PPARG: variants seen among roughly 807,000 people sequenced by gnomAD.
PPARG encodes the protein peroxisome proliferator activated receptor gamma, also known as peroxisome proliferator-activated receptor gamma.
A neutral mutation model predicts 39.2 loss-of-function variants in PPARG; 17 were observed. The observed-to-expected ratio is 0.43, with a 90% CI of 0.30 to 0.65. PPARG has a LOEUF of 0.65. PPARG is among the 30% of genes least tolerant of loss of function. The pLI, the probability that PPARG is intolerant of heterozygous loss-of-function variation, is 0.13. For synonymous variants in PPARG, 223 were observed against 215.7 expected (o/e 1.03, Z -0.30); for missense variants, 406 against 585.9 (o/e 0.69, Z 3.17).
At chr3:12,345,825 T>C (rs985426079) in intron 2 of PPARG, among the ~76,000 whole-genome samples, 2 of 152,232 alleles carry the variant, frequency 1.3e-5, no homozygotes, top group African/African-American at 4.8e-5. Context: ...ATTCCCACTG[T>C]GCTTCACCAG....
intron 6 of PPARG, among the ~76,000 whole-genome samples, chr3:12,411,202 T>G (rs1432249836): frequency 6.6e-6 from 1 of 151,878 alleles, no homozygotes; most frequent in Non-Finnish European, 1.5e-5. Flanking sequence ...GCACTTGGAT[T>G]TTTTTTTTCC....
intron 1 of PPARG, among the ~76,000 whole-genome samples, chr3:12,291,100 CTAAA>C (rs1391094827): frequency 6.6e-6 from 1 of 152,124 alleles, no homozygotes; most frequent in African/African-American, 2.4e-5. Context: ...TAGGATTCCA[CTAAA>C]TAAATATTAG....
chr3:12,416,803 A>G lies in PPARG; in HGVS notation c.829A>G (p.Ile277Val). Reference protein sequence around the residue: ...PLQEQSKEVAIRIFQGCQFRS... With the variant: ...PLQEQSKEVAVRIFQGCQFRS... ...GCAGGAGCAGAGCAAAGAGGTGGCC[A>G]TCCGCATCTTTCAGGGCTGCCAGTT... Residue 277 changes from isoleucine to valine, a missense_variant, in exon 7 of 8, where the codon ATC becomes GTC. Ile to Val is a conservative substitution (Grantham distance 29). Transcript: ENST00000651735. The G allele has an allele frequency of 1.2e-6, 2 of 1,614,180 alleles. No homozygotes were observed. The highest frequency in any genetic ancestry group is 1.7e-6 in the Non-Finnish European group (2 of 1,179,996).
At chr3:12,388,408 G>A (rs1159606435) in intron 4 of PPARG, among the ~76,000 whole-genome samples, 1 of 152,196 alleles carries the variant, frequency 6.6e-6, no homozygotes, top group Non-Finnish European at 1.5e-5. Context: ...TGCCCAGAGA[G>A]GTACAGTGGT....
At chr3:12,309,040 T>C (rs1035708603) in intron 1 of PPARG, among the ~76,000 whole-genome samples, 1 of 152,258 alleles carries the variant, frequency 6.6e-6, no homozygotes, top group East Asian at 1.9e-4. Context: ...GAGTACATAC[T>C]ATGCTAATGT....
chr3:12,386,845 T>C (rs1318008657), intron 4 of PPARG, among the ~76,000 whole-genome samples: 1 of 152,150 alleles, frequency 6.6e-6, no homozygotes, highest in Non-Finnish European at 1.5e-5. Flanking sequence ...CATTAGGTAT[T>C]TCTCCTAATG....
At chr3:12,393,190 A>ATTTTTT (rs143287325) in intron 5 of PPARG, among the ~76,000 whole-genome samples, 4 of 111,512 alleles carry the variant, frequency 3.6e-5, no homozygotes, top group Non-Finnish European at 3.6e-5. Context: ...GATTCATTTA[A>ATTTTTT]TTTTTTTTTT....
At chr3:12,367,864 G>A (rs1370855940) in intron 2 of PPARG, among the ~76,000 whole-genome samples, 2 of 151,812 alleles carry the variant, frequency 1.3e-5, no homozygotes, top group South Asian at 2.1e-4. Context: ...GACAGAGTGA[G>A]ACCCTGCCTC....
chr3:12,408,655 C>T (rs1304223943), intron 6 of PPARG, among the ~76,000 whole-genome samples: 2 of 144,752 alleles, frequency 1.4e-5, no homozygotes, highest in African/African-American at 2.6e-5. Context: ...GCCTTGAACT[C>T]GGGGCTCAAG....
At chr3:12,290,871 G>A (rs574163011) in intron 1 of PPARG, among the ~76,000 whole-genome samples, 1 of 152,132 alleles carries the variant, frequency 6.6e-6, no homozygotes, top group African/African-American at 2.4e-5. Context: ...AGGCTTTCAT[G>A]AAGTAGGAAA....
chr3:12,317,049 T>C (rs969490178), intron 2 of PPARG, among the ~76,000 whole-genome samples: 41 of 152,296 alleles, frequency 2.7e-4, no homozygotes, highest in African/African-American at 9.4e-4. Flanking sequence ...CAAATCACAA[T>C]TCTGTAAATT....
upstream of PPARG, chr3:12,288,826 G>C (rs1192457451): frequency 6.6e-6 from 1 of 152,350 alleles, no homozygotes; most frequent in Admixed American, 6.5e-5. Flanking sequence ...GGCTGGAAAG[G>C]CGAAGTCGCT....
rs1223890874 is a variant in PPARG, at chr3:12,310,541, G to A, written c.-82-1839G>A. On this transcript the variant is annotated intron_variant, in intron 1 of 7. Transcript: ENST00000651735. Reference sequence around the variant, plus strand: ...TGCAGTGGCGGGATCTCGGCTCACTGCAAGCTCCGCCTCCTGGGTTCACGC... The same window carrying A: ...TGCAGTGGCGGGATCTCGGCTCACTACAAGCTCCGCCTCCTGGGTTCACGC... Among the ~76,000 whole-genome samples the A allele has an allele frequency of 2.7e-5, 2 of 74,424 alleles. 1 individual carries two copies. Among genetic ancestry groups the A allele is most frequent in the Non-Finnish European group, 5.5e-5 (2 of 36,158 alleles). 48.8% of individuals were successfully genotyped at this position (74,424 alleles called of 152,430 possible).
intron 2 of PPARG, among the ~76,000 whole-genome samples, chr3:12,335,865 T>A (rs1344869004): frequency 6.6e-6 from 1 of 151,896 alleles, no homozygotes; most frequent in African/African-American, 2.4e-5. Context: ...ATGGCAGCAC[T>A]GACCTAGTTT....
At chr3:12,288,263 C>T (rs1330878667), upstream of PPARG, among the ~76,000 whole-genome samples, 2 of 151,716 alleles carry the variant, frequency 1.3e-5, no homozygotes, top group Admixed American at 6.6e-5. Flanking sequence ...GGGCGGCTCA[C>T]GGGTGACCGG....
intron 2 of PPARG, among the ~76,000 whole-genome samples, chr3:12,342,041 C>T (rs1231110017): frequency 6.6e-6 from 1 of 152,084 alleles, no homozygotes; most frequent in East Asian, 1.9e-4. Flanking sequence ...GACATATCAC[C>T]ATTCTAACTT....
At chr3:12,379,648 G>GAC (rs1413279585) in intron 2 of PPARG, 56 bp from the exon 3 acceptor site, 2 of 1,464,838 alleles carry the variant, frequency 1.4e-6, no homozygotes, top group African/African-American at 2.8e-5. Context: ...GAAACTCTGT[G>GAC]AGATTGCTGT....
chr3:12,345,806 C>T (rs2048309501), intron 2 of PPARG, among the ~76,000 whole-genome samples: 1 of 152,260 alleles, frequency 6.6e-6, no homozygotes, highest in African/African-American at 2.4e-5. Flanking sequence ...TGCTGTAGAA[C>T]CTTTGTGAAT....
At chr3:12,392,576 A>G in intron 4 of PPARG, 38 bp from the exon 5 acceptor site, 2 of 1,612,122 alleles carry the variant, frequency 1.2e-6, no homozygotes, top group South Asian at 2.2e-5. Flanking sequence ...CATGTGTCAT[A>G]AAGACTTAAA....
Sources: allele counts gnomAD v4.1 joint callset (sites outside exome capture counted in the v4.1 genomes callset), GRCh38; gene constraint gnomAD v4.1.1; transcripts MANE v1.5; gene names NCBI Gene and HGNC (gene_info 2026-07-23, HGNC 2026-07-21).